Variants in TCF4 observed in about 807,000 individuals in gnomAD.
TCF4 encodes transcription factor 4.
In TCF4, 3 loss-of-function variants were observed where a neutral mutation model predicts 82.1. The ratio of observed to expected loss-of-function variants is 0.04; its 90% CI spans 0.02 to 0.09. The LOEUF (loss-of-function observed/expected upper bound fraction) is 0.09. TCF4 is among the 10% of genes least tolerant of loss of function. The pLI is 1.00. For missense variants in TCF4, 518 were observed against 852.7 expected (o/e 0.61, Z 4.89); for synonymous variants, 276 against 309.6 (o/e 0.89, Z 1.14).
chr18:55,619,342 T>C (rs965305735), intron 2 of TCF4, among the ~76,000 whole-genome samples: 5 of 152,216 alleles, frequency 3.3e-5, no homozygotes, highest in Admixed American at 1.3e-4. Context: ...CTAATCATAT[T>C]AGCTTATTTT....
At chr18:55,310,309 G>A (rs959338340) in intron 8 of TCF4, among the ~76,000 whole-genome samples, 1 of 152,192 alleles carries the variant, frequency 6.6e-6, no homozygotes, top group East Asian at 1.9e-4. Context: ...AAGATATACT[G>A]CAAATCAGAG....
At chr18:55,521,150 C>A (rs958537232) in intron 3 of TCF4, among the ~76,000 whole-genome samples, 3 of 152,014 alleles carry the variant, frequency 2.0e-5, no homozygotes. Context: ...AACAATTTTC[C>A]CCCAGAAACA....
chr18:55,538,773 G>C (rs2097140338), intron 3 of TCF4, among the ~76,000 whole-genome samples: 2 of 152,082 alleles, frequency 1.3e-5, no homozygotes, highest in Non-Finnish European at 2.9e-5. Flanking sequence ...ACTCTTCTGT[G>C]TATTCTCTAG....
chr18:55,444,122 G>C lies in TCF4; in HGVS notation c.304+16897C>G, dbSNP rs1471881042. ...AGGACAGAATTATTGCACATTTGCA[G>C]ACCAAAACCAACATGAAGAAATCAG... On this transcript the variant is annotated intron_variant, in intron 5 of 19. Transcript: ENST00000354452. Among the ~76,000 whole-genome samples, 2 of 152,200 alleles carry C rather than the reference G, an allele frequency of 1.3e-5. 1 individual carries two copies. Among genetic ancestry groups the C allele is most frequent in the East Asian group, 3.8e-4 (2 of 5,204 alleles).
chr18:55,458,542 A>C (rs977174560), intron 5 of TCF4, among the ~76,000 whole-genome samples: 2 of 152,208 alleles, frequency 1.3e-5, no homozygotes, highest in African/African-American at 2.4e-5. Context: ...TAATTTCTTG[A>C]AAATGATCTA....
intron 3 of TCF4, among the ~76,000 whole-genome samples, chr18:55,536,074 C>T (rs537264109): frequency 5.9e-5 from 9 of 152,236 alleles, no homozygotes; most frequent in African/African-American, 1.9e-4. Flanking sequence ...TATAAAATAA[C>T]TAAAGTTGCG....
chr18:55,394,008 C>T (rs1043032067), intron 6 of TCF4, among the ~76,000 whole-genome samples: 80 of 152,272 alleles, frequency 5.3e-4, no homozygotes, highest in Middle Eastern at 3.4e-3. Flanking sequence ...GGAATACATA[C>T]AATGGATCTT....
At chr18:55,319,820 T>G (rs2075045107) in intron 8 of TCF4, among the ~76,000 whole-genome samples, 1 of 152,174 alleles carries the variant, frequency 6.6e-6, no homozygotes. Context: ...GAAAATTCCT[T>G]TTGGCCAAAA....
chr18:55,354,828 G>A (rs2083100984), intron 6 of TCF4, among the ~76,000 whole-genome samples: 1 of 152,028 alleles, frequency 6.6e-6, no homozygotes, highest in Admixed American at 6.6e-5. Context: ...TGGAAGAGGG[G>A]AAAAAAGAAG....
At chr18:55,556,403 T>C (rs967804531) in intron 3 of TCF4, among the ~76,000 whole-genome samples, 2 of 152,254 alleles carry the variant, frequency 1.3e-5, no homozygotes, top group African/African-American at 2.4e-5. Context: ...TTCATAAATG[T>C]AAATAAATAA....
chr18:55,501,987 G>A (rs1386829038), intron 3 of TCF4, among the ~76,000 whole-genome samples: 1 of 152,154 alleles, frequency 6.6e-6, no homozygotes, highest in African/African-American at 2.4e-5. Context: ...CATTTTACAG[G>A]CTGTAACAAT....
chr18:55,467,849 T>C (rs780499568), intron 3 of TCF4, among the ~76,000 whole-genome samples: 4 of 152,354 alleles, frequency 2.6e-5, no homozygotes, highest in Middle Eastern at 3.4e-3. Context: ...TGTGGTGAGC[T>C]TGAATGTATG....
intron 9 of TCF4, 132 bp from the exon 10 acceptor site, chr18:55,275,884 A>T (rs1297515078): frequency 8.9e-6 from 10 of 1,127,738 alleles, no homozygotes; most frequent in Non-Finnish European, 1.2e-5. Flanking sequence ...TGATTACATC[A>T]GAAGACAGTC....
chr18:55,425,047 AG>A (rs1420235885), intron 5 of TCF4, among the ~76,000 whole-genome samples: 1 of 152,228 alleles, frequency 6.6e-6, no homozygotes, highest in African/African-American at 2.4e-5. Context: ...ATTTACACTA[AG>A]AACAAGAAAA....
chr18:55,274,247 G>A (rs2061007036), intron 10 of TCF4, among the ~76,000 whole-genome samples: 1 of 152,112 alleles, frequency 6.6e-6, no homozygotes. Context: ...CAAATAGGAG[G>A]TGGGAAAAGA....
At chr18:55,322,416 G>A (rs2075814878) in intron 8 of TCF4, 1 of 993,552 alleles carries the variant, frequency 1.0e-6, no homozygotes, top group Non-Finnish European at 1.2e-6. Flanking sequence ...GGAGGGAAAG[G>A]GGAGGGAAGA....
chr18:55,449,229 T>G lies in TCF4; in HGVS notation c.304+11790A>C, dbSNP rs948050999. On this transcript the variant is annotated intron_variant, in intron 5 of 19. Transcript: ENST00000354452. Reference sequence around the variant, plus strand: ...GGGTTTTTTTTTCCTGGTTTTTCTCTAGCTAACAGGGATCATCCACAGCTA... The same window carrying G: ...GGGTTTTTTTTTCCTGGTTTTTCTCGAGCTAACAGGGATCATCCACAGCTA... Among the ~76,000 whole-genome samples, 5 of 152,148 alleles carry G rather than the reference T, an allele frequency of 3.3e-5. No homozygotes were observed. In the South Asian group the frequency reaches 1.0e-3, roughly 32 times the overall value.
At chr18:55,389,766 G>A (rs1011039964) in intron 6 of TCF4, among the ~76,000 whole-genome samples, 2 of 152,178 alleles carry the variant, frequency 1.3e-5, no homozygotes, top group Admixed American at 6.5e-5. Flanking sequence ...CACTCCAGCA[G>A]CAGTGGACAG....
intron 2 of TCF4, among the ~76,000 whole-genome samples, chr18:55,602,731 T>C (rs1240234506): frequency 6.6e-6 from 1 of 152,184 alleles, no homozygotes; most frequent in Non-Finnish European, 1.5e-5. Flanking sequence ...ATGTTGTCTA[T>C]CTTAGTCTTA....
Sources: gnomAD v4.1 joint callset for allele counts (sites outside exome capture counted in the v4.1 genomes callset) on GRCh38, gnomAD v4.1.1 for gene constraint, MANE v1.5 for transcripts, NCBI Gene and HGNC (gene_info 2026-07-23, HGNC 2026-07-21) for gene names.